The following JOSD1 variants were observed in gnomAD, a reference collection of about 807,000 sequenced individuals.
JOSD1 encodes Josephin domain containing 1.
Under a neutral mutation model 24.3 loss-of-function variants are expected in JOSD1, and 11 were observed. The ratio of observed to expected loss-of-function variants is 0.45; its 90% CI spans 0.29 to 0.75. The LOEUF is 0.75. JOSD1 is among the 30% of genes least tolerant of loss of function. JOSD1 has a pLI of 0.11. For missense variants in JOSD1, 184 were observed against 253.5 expected (o/e 0.73, Z 1.86); for synonymous variants, 106 against 93.8 (o/e 1.13, Z -0.75).
chr22:38,688,895 G>T, intron 4 of JOSD1, 40 bp downstream of exon 4: 1 of 1,565,602 alleles, frequency 6.4e-7, no homozygotes, highest in Non-Finnish European at 8.7e-7. Flanking sequence ...CCTAAGAAAT[G>T]AAGCAGCCTA....
At chr22:38,698,818 G>T (rs1301523222) in intron 2 of JOSD1, among the ~76,000 whole-genome samples, 2 of 152,162 alleles carry the variant, frequency 1.3e-5, no homozygotes, top group Non-Finnish European at 2.9e-5. Context: ...GCAGAGTGGT[G>T]CAATCTTGGC....
chr22:38,688,314 G>A (rs1007675115), intron 4 of JOSD1, among the ~76,000 whole-genome samples: 1 of 152,234 alleles, frequency 6.6e-6, no homozygotes, highest in Non-Finnish European at 1.5e-5. Flanking sequence ...CTGGGCTGGA[G>A]TGCAATGGCA....
rs2092498557 is a variant in JOSD1, at chr22:38,686,504, T to C, written c.*1398A>G. The C allele has an allele frequency of 6.6e-6, 1 of 152,256 alleles. No homozygotes were observed. Among genetic ancestry groups the C allele is most frequent in the African/African-American group, 2.4e-5 (1 of 41,468 alleles). 9.4% of individuals were successfully genotyped at this position (152,256 alleles called of 1,614,324 possible). On this transcript the variant is annotated 3_prime_UTR_variant, in exon 5 of 5. Transcript: ENST00000683374. ...CTTTGGAGACACGCATATGGTATGA[T>C]ACTTATTTCTCCTCTTTTGTTTTCC...
intron 2 of JOSD1, among the ~76,000 whole-genome samples, chr22:38,693,169 G>C (rs995953891): frequency 1.3e-5 from 2 of 152,122 alleles, no homozygotes; most frequent in Non-Finnish European, 2.9e-5. Context: ...CAAGGAAAGG[G>C]GATTATAAAA....
At position 38,689,371 on chromosome 22, in the gene JOSD1, C is replaced by T; in HGVS notation, c.239G>A (p.Gly80Asp). 6.2e-7 allele frequency: 1 copy of T among 1,614,212 alleles called. No individual in the cohort carries two copies. Among genetic ancestry groups the T allele is most frequent in the Non-Finnish European group, 8.5e-7 (1 of 1,180,038 alleles). The change falls in exon 3 of 5, where the codon GGC becomes GAC. Residue 80 changes from glycine to aspartate, a missense_variant. By Grantham distance (94) the Gly-to-Asp change is moderately conservative (BLOSUM62 -1). Transcript: ENST00000683374. ...CATAATGACATTCACATCGTAGTTG[C>T]CATTTCCCAGCATGCTCTTCTTGTG... ...TPHKKSMLGN[G>D]NYDVNVIMAA...
intron 2 of JOSD1, 94 bp from the exon 3 acceptor site, chr22:38,689,518 C>T: frequency 1.3e-6 from 2 of 1,483,516 alleles, no homozygotes; most frequent in African/African-American, 1.4e-5. Flanking sequence ...TACATCACTG[C>T]CCCTGGAAGT....
rs1229713327 is a variant in JOSD1 at position 38,686,552 on chromosome 22, C to T, written c.*1350G>A. 1.3e-5 allele frequency: 2 copies of T among 152,232 alleles called. No homozygotes were observed. The highest frequency in any genetic ancestry group is 4.8e-5 in the African/African-American group (2 of 41,426). The allele number at this position is 152,232 out of a possible 1,614,324, so 9.4% of individuals were successfully genotyped here. On this transcript the variant is annotated 3_prime_UTR_variant, in exon 5 of 5. Coordinates refer to ENST00000683374, the MANE Select transcript of JOSD1 (RefSeq NM_001360236.2). ...TCCAAAGTTACAAGAGAAAAGTGGC[C>T]TACAACTATCTGAAGAGGTAGGGGC...
chr22:38,693,836 G>C (rs1262778575), intron 2 of JOSD1, among the ~76,000 whole-genome samples: 1 of 152,172 alleles, frequency 6.6e-6, no homozygotes. Flanking sequence ...AAGGGAGGGA[G>C]AGTGAGGACC....
chr22:38,698,681 G>A (rs901546978), intron 2 of JOSD1, among the ~76,000 whole-genome samples: 10 of 152,150 alleles, frequency 6.6e-5, no homozygotes, highest in African/African-American at 2.4e-4. Flanking sequence ...ATGCTGTTGT[G>A]TCCATTAAGA....
chr22:38,698,641 T>A lies in JOSD1; in HGVS notation c.185+1162A>T, dbSNP rs142094839. On this transcript the variant is annotated intron_variant, in intron 2 of 4. Transcript: ENST00000683374. ...TTCTAGTCGGGGTCATCAGGCAAGA[T>A]CATCACCTGAGTTGCTATGGACTGC... is the stretch of plus-strand genomic sequence containing the variant. Among the ~76,000 whole-genome samples, 538 of 152,308 alleles carry A rather than the reference T, an allele frequency of 3.5e-3. 2 individuals are homozygous for A. Among genetic ancestry groups the A allele is most frequent in the African/African-American group, 0.013 (523 of 41,570 alleles).
chr22:38,700,488 CGGGCCGGCAGGCGT>C lies in JOSD1; in HGVS notation c.-515_-502del. 2.0e-6 allele frequency: 2 copies of C among 986,156 alleles called. No individual in the cohort carries two copies. The highest frequency in any genetic ancestry group is 2.4e-6 in the Non-Finnish European group (2 of 830,420). The allele number at this position is 986,156 out of a possible 1,614,324, so 61.1% of individuals were successfully genotyped here. ...TAGCGCACGAGTCGAGTAGCTAGCG[CGGGCCGGCAGGCGT>C]GGGACCGCGAGCCGCGCGGGGGCCT... is the stretch of plus-strand genomic sequence containing the variant. On this transcript the variant is annotated 5_prime_UTR_variant, in exon 2 of 5. The change abolishes the stop of an existing upstream ORF in the 5' untranslated region. Transcript: ENST00000683374.
In JOSD1 at chr22:38,689,146, G is replaced by A. The variant is rs369308311; in HGVS notation, c.315-17C>T. On this transcript the variant is annotated splice_polypyrimidine_tract_variant and intron_variant, in intron 3 of 4. Transcript: ENST00000683374. ...CCGACATCCCTGCAGGGGAGAAATG[G>A]TGGCAGGCTCTGATGCAGCCCATTT... The A allele has an allele frequency of 5.0e-6, 8 of 1,609,060 alleles. No individual in the cohort carries two copies. In the Admixed American group the frequency reaches 1.2e-4, roughly 24 times the overall value.
In JOSD1 at chr22:38,700,063, G is replaced by C. The variant is rs1451472610; in HGVS notation, c.-76C>G. The C allele has an allele frequency of 1.3e-5, 20 of 1,505,240 alleles. No homozygotes were observed. In the South Asian group the frequency reaches 1.8e-4, roughly 14 times the overall value. 93.2% of individuals were successfully genotyped at this position (1,505,240 alleles called of 1,614,324 possible). A position where few individuals can be genotyped will look rare whatever the true frequency, so the allele number is the denominator to read the frequency against. On this transcript the variant is annotated 5_prime_UTR_variant, in exon 2 of 5. Coordinates refer to ENST00000683374, the MANE Select transcript of JOSD1 (RefSeq NM_001360236.2). ...CTAGAGGAAGAATGTAAGCTTCTCAGTCTTTTCCGGATTCCTGAGGTCCAC... is the reference window on the plus strand; with the variant it reads ...CTAGAGGAAGAATGTAAGCTTCTCACTCTTTTCCGGATTCCTGAGGTCCAC...
intron 4 of JOSD1, 59 bp downstream of exon 4, chr22:38,688,876 T>C: frequency 1.4e-6 from 2 of 1,453,790 alleles, no homozygotes; most frequent in Non-Finnish European, 1.9e-6. Flanking sequence ...ATGAGCTCAG[T>C]GTCCCCAACC....
At chr22:38,695,444 GT>G (rs536648160) in intron 2 of JOSD1, among the ~76,000 whole-genome samples, 5,759 of 114,644 alleles carry the variant, frequency 0.05, 105 homozygotes, top group Non-Finnish European at 0.062. Flanking sequence ...TTTTTGCCTA[GT>G]TTTTTTTTTT....
upstream of JOSD1, chr22:38,701,055 C>T: frequency 2.2e-6 from 2 of 896,336 alleles, no homozygotes; most frequent in Non-Finnish European, 2.7e-6. Context: ...TGGCGTCACG[C>T]CTGACGTAAG....
At position 38,700,392 on chromosome 22, in the gene JOSD1, C is replaced by T. The variant is rs2092563486; in HGVS notation, c.-405G>A. The T allele has an allele frequency of 3.0e-6, 3 of 989,684 alleles. No individual in the cohort carries two copies. Among genetic ancestry groups the T allele is most frequent in the Non-Finnish European group, 3.6e-6 (3 of 832,760 alleles). 61.3% of individuals were successfully genotyped at this position (989,684 alleles called of 1,614,324 possible). ...ACCGAACACAATCGGTCACATCGCT[C>T]CTTTTCTTCCATTTCTTTTGAACCA... On this transcript the variant is annotated 5_prime_UTR_variant, in exon 2 of 5. Transcript: ENST00000683374.
Position 38,699,803 on chromosome 22 carries a change from C to G in JOSD1, c.185G>C (p.Arg62Thr), listed in dbSNP as rs1447084699. The G allele has an allele frequency of 1.2e-6, 2 of 1,613,992 alleles. No individual in the cohort carries two copies. Among genetic ancestry groups the G allele is most frequent in the East Asian group, 4.5e-5 (2 of 44,902 alleles). ...TRDTLQEIFQ[R>T]LSPNTMVTPH... is the part of the protein sequence containing the mutation. Reference sequence around the variant, plus strand: ...GATGCCAAGGAGAAGGGTCCCCTACCTCTGGAAAATCTCTTGCAGCGTATC... The same window carrying G: ...GATGCCAAGGAGAAGGGTCCCCTACGTCTGGAAAATCTCTTGCAGCGTATC... The change falls in exon 2 of 5, where the codon AGG becomes ACG. Residue 62 changes from arginine (R) to threonine (T), a missense_variant and splice_region_variant. Transcript: ENST00000683374.
At chr22:38,688,904 T>C (rs773214300) in intron 4 of JOSD1, 31 bp downstream of exon 4, 2 of 1,589,468 alleles carry the variant, frequency 1.3e-6, no homozygotes, top group South Asian at 2.2e-5. Flanking sequence ...TGAAGCAGCC[T>C]AGCAACTTAG....
Sources: gnomAD v4.1 joint callset for allele counts (sites outside exome capture counted in the v4.1 genomes callset) on GRCh38, gnomAD v4.1.1 for gene constraint, MANE v1.5 for transcripts, NCBI Gene and HGNC (gene_info 2026-07-23, HGNC 2026-07-21) for gene names.